INVS: variants seen among roughly 807,000 people sequenced by gnomAD.
The protein encoded by INVS is inversin, also known as inversion of embryo turning homolog.
In INVS, 86 loss-of-function variants were observed where a neutral mutation model predicts 108.8. The ratio of observed to expected loss-of-function variants is 0.79; its 90% CI spans 0.66 to 0.95. INVS has a LOEUF of 0.95. INVS is among the 40% of genes least tolerant of loss of function. The probability of loss-of-function intolerance (pLI) is 0.00; values close to 1 mark genes in which losing one functional copy is unlikely to be tolerated. For synonymous variants in INVS, 455 were observed against 473.5 expected (o/e 0.96, Z 0.51); for missense variants, 1,169 against 1,297.4 (o/e 0.90, Z 1.52).
intron 12 of INVS, among the ~76,000 whole-genome samples, chr9:100,279,007 T>C (rs1173156011): frequency 5.3e-5 from 8 of 152,230 alleles, no homozygotes; most frequent in African/African-American, 1.9e-4. Context: ...TGTTTACAAG[T>C]CTTATCCCTG....
At position 100,273,067 on chromosome 9, in the gene INVS, C is replaced by G; in HGVS notation, c.1775C>G (p.Ala592Gly). 1 of 1,613,654 alleles carries G rather than the reference C, an allele frequency of 6.2e-7. No individual in the cohort carries two copies. Among genetic ancestry groups the G allele is most frequent in the South Asian group, 1.1e-5 (1 of 91,062 alleles). Residue 592 changes from alanine to glycine, a missense_variant, in exon 12 of 17, where the codon GCT becomes GGT. Transcript: ENST00000262457. The part of the protein sequence containing the change: ...LMKHEQLRKD[A>G]AAKKREEENK... ...AAGCATGAACAGTTGAGAAAAGATG[C>G]TGCTGCCAAGTAAGTATGAGCTACG...
At chr9:100,296,001 T>C (rs537310865) in intron 14 of INVS, among the ~76,000 whole-genome samples, 4 of 152,290 alleles carry the variant, frequency 2.6e-5, no homozygotes, top group African/African-American at 9.6e-5. Flanking sequence ...AAGAGTAGTG[T>C]AGGCTGACTG....
chr9:100,297,298 T>G (rs917348338), intron 15 of INVS, 152 bp downstream of exon 15: 2 of 727,122 alleles, frequency 2.8e-6, no homozygotes, highest in Admixed American at 2.2e-5. Context: ...TGGTCAAAAC[T>G]GCAATTAATT....
chr9:100,155,000 G>A (rs2118992796), intron 3 of INVS, among the ~76,000 whole-genome samples: 1 of 152,174 alleles, frequency 6.6e-6, no homozygotes, highest in Non-Finnish European at 1.5e-5. Context: ...ATCACTTGAG[G>A]TCAGGAGTTC....
At chr9:100,163,400 GAATT>G (rs746451935) in intron 3 of INVS, among the ~76,000 whole-genome samples, 3 of 151,866 alleles carry the variant, frequency 2.0e-5, no homozygotes, top group Non-Finnish European at 4.4e-5. Context: ...AAAATTGAAA[GAATT>G]CATTTAATAA....
In INVS at chr9:100,276,947, T is replaced by C. The variant is rs115736623; in HGVS notation, c.1784+3871T>C. 3.4e-3 allele frequency among the ~76,000 whole-genome samples: 525 copies of C among 152,370 alleles called. 1 individual carries two copies. The highest frequency in any genetic ancestry group is 0.012 in the African/African-American group (497 of 41,590). On this transcript the variant is annotated intron_variant, in intron 12 of 16. Transcript: ENST00000262457. ...CTCAGCCATCCTGAACTTTCTTCACTTCACTTACTGGGAGACCTGAGCTCC... is the reference window on the plus strand; with the variant it reads ...CTCAGCCATCCTGAACTTTCTTCACCTCACTTACTGGGAGACCTGAGCTCC...
intron 2 of INVS, among the ~76,000 whole-genome samples, chr9:100,121,866 C>T (rs1564121704): frequency 6.6e-6 from 1 of 152,114 alleles, no homozygotes; most frequent in East Asian, 1.9e-4. Context: ...AAGCTTCCCT[C>T]ATGTGTGGTG....
At chr9:100,246,426 A>G (rs1478241669) in intron 7 of INVS, among the ~76,000 whole-genome samples, 190 bp from the exon 8 acceptor site, 1 of 152,182 alleles carries the variant, frequency 6.6e-6, no homozygotes, top group African/African-American at 2.4e-5. Flanking sequence ...ACTAATTTGT[A>G]AGGACAGAGG....
intron 8 of INVS, among the ~76,000 whole-genome samples, chr9:100,247,757 C>T (rs941112233): frequency 6.6e-6 from 1 of 152,086 alleles, no homozygotes; most frequent in Non-Finnish European, 1.5e-5. Context: ...ACAATAAAGA[C>T]TTTAACTTTC....
At chr9:100,175,671 T>C (rs1829689201) in intron 3 of INVS, 1 of 642,552 alleles carries the variant, frequency 1.6e-6, no homozygotes, top group East Asian at 3.2e-5. Context: ...CCCCAGCCTC[T>C]ATTCTTCCTG....
At chr9:100,191,001 T>A (rs1011460152) in intron 3 of INVS, among the ~76,000 whole-genome samples, 4 of 151,980 alleles carry the variant, frequency 2.6e-5, no homozygotes, top group Non-Finnish European at 5.9e-5. Flanking sequence ...GCTGGGACTA[T>A]AGGCATATGC....
rs1215412393 is a variant in INVS at position 100,198,316 on chromosome 9, G to T, written c.274-27746G>T. ...TTTTTTTTTTTTTTTTTTTTTTTTT[G>T]GAGACAGTTTCACTCTTCTTGTGCA... On this transcript the variant is annotated intron_variant, in intron 3 of 16. Transcript: ENST00000262457. 1.2e-4 allele frequency among the ~76,000 whole-genome samples: 4 copies of T among 33,604 alleles called. No homozygotes were observed. The Admixed American group carries it at 1.5e-3, about 13-fold the overall frequency. 22.0% of individuals were successfully genotyped at this position (33,604 alleles called of 152,430 possible). A position where few individuals can be genotyped will look rare whatever the true frequency, so the allele number is the denominator to read the frequency against.
intron 2 of INVS, among the ~76,000 whole-genome samples, chr9:100,112,067 G>T (rs987406044): frequency 3.9e-5 from 6 of 152,020 alleles, no homozygotes; most frequent in East Asian, 1.9e-4. Context: ...TGCCTTCCGG[G>T]TTCAAGTGAT....
chr9:100,287,810 T>C (rs2118740127), intron 13 of INVS, among the ~76,000 whole-genome samples: 1 of 152,300 alleles, frequency 6.6e-6, no homozygotes, highest in East Asian at 1.9e-4. Flanking sequence ...GGTAGTTCTT[T>C]ATAGCAGTGT....
At chr9:100,101,560 A>G (rs1826993420) in intron 1 of INVS, 1 of 152,234 alleles carries the variant, frequency 6.6e-6, no homozygotes, top group African/African-American at 2.4e-5. Context: ...ATTGTCAGCA[A>G]AATAAAGACG....
chr9:100,255,632 G>T (rs1832395013), intron 10 of INVS, among the ~76,000 whole-genome samples: 1 of 152,124 alleles, frequency 6.6e-6, no homozygotes. Context: ...AAGGGCTGTT[G>T]GATTTTGTCA....
In INVS at chr9:100,128,197, T is replaced by C. The variant is rs148536086; in HGVS notation, c.273+1648T>C. ...TGTTAGCTGTAATCTTTTCATCAGA[T>C]ACCATGCATTGTTTTCTTTAGTTTT... On this transcript the variant is annotated intron_variant, in intron 3 of 16. Transcript: ENST00000262457. Among the ~76,000 whole-genome samples, 676 of 152,358 alleles carry C rather than the reference T, an allele frequency of 4.4e-3. 3 individuals are homozygous for C. Among genetic ancestry groups the C allele is most frequent in the African/African-American group, 0.016 (649 of 41,592 alleles).
At chr9:100,112,481 C>T (rs769325507) in intron 2 of INVS, among the ~76,000 whole-genome samples, 1 of 152,046 alleles carries the variant, frequency 6.6e-6, no homozygotes, top group Non-Finnish European at 1.5e-5. Flanking sequence ...CAGGATTGAC[C>T]TAAAGTTCTG....
chr9:100,124,727 T>C (rs925468666), intron 2 of INVS, among the ~76,000 whole-genome samples: 3 of 152,212 alleles, frequency 2.0e-5, no homozygotes, highest in African/African-American at 4.8e-5. Flanking sequence ...CTAATATATC[T>C]GTGTCATCAC....
Sources: gnomAD v4.1 joint callset for allele counts (sites outside exome capture counted in the v4.1 genomes callset) on GRCh38, gnomAD v4.1.1 for gene constraint, MANE v1.5 for transcripts, NCBI Gene and HGNC (gene_info 2026-07-23, HGNC 2026-07-21) for gene names.